The following MACROD1 variants were observed in gnomAD, a reference collection of about 807,000 sequenced individuals.
MACROD1 encodes the protein mono-ADP ribosylhydrolase 1, also known as ADP-ribose glycohydrolase MACROD1.
In MACROD1, 31 loss-of-function variants were observed where a neutral mutation model predicts 41.4. That is an observed-to-expected ratio of 0.75 (90% CI 0.56 to 1.01). MACROD1 has a LOEUF of 1.01. Ranked by LOEUF, MACROD1 falls within the 50% of genes least tolerant of loss-of-function variation. MACROD1 has a pLI of 0.00. For missense variants in MACROD1, 473 were observed against 460.0 expected, an observed-to-expected ratio of 1.03 and a Z score of -0.26; for synonymous variants, 252 against 203.4, an observed-to-expected ratio of 1.24 and a Z score of -2.03.
intron 3 of MACROD1, among the ~76,000 whole-genome samples, chr11:64,081,529 C>T (rs533426778): frequency 3.3e-5 from 5 of 152,108 alleles, no homozygotes; most frequent in African/African-American, 1.2e-4. Flanking sequence ...CAGTGTAACA[C>T]CCCCCCGACC....
At position 64,109,884 on chromosome 11, in the gene MACROD1, C is replaced by G. The variant is rs116147123; in HGVS notation, c.517+41355G>C. ...GCCTGTCCGGAAGGCACAGCAGGAG[C>G]AGGGGAGTAGAGAACGGGCCACTGG... On this transcript the variant is annotated intron_variant, in intron 3 of 10. Transcript: ENST00000255681. 8.1e-4 allele frequency among the ~76,000 whole-genome samples: 124 copies of G among 152,210 alleles called. 1 individual carries two copies. Among genetic ancestry groups the G allele is most frequent in the African/African-American group, 2.8e-3 (118 of 41,536 alleles).
rs1031838906 is a variant in MACROD1, at chr11:64,122,662, G to A, written c.517+28577C>T. 6.6e-6 allele frequency among the ~76,000 whole-genome samples: 1 copy of A among 152,174 alleles called. No homozygotes were observed. On this transcript the variant is annotated intron_variant, in intron 3 of 10. Coordinates refer to ENST00000255681, the MANE Select transcript of MACROD1 (RefSeq NM_014067.4). This position sits in a 1 kb window ranked among gnomAD's most constrained non-coding sequence, Gnocchi z 4.0. The stretch of plus-strand genomic sequence containing the variant: ...GAATACAGCCTCTGTTTCCCCTTCT[G>A]TAAAGTGGGGGTGTGCTAGGGAGGG...
chr11:64,051,353 T>C (rs1590841074), intron 3 of MACROD1, among the ~76,000 whole-genome samples: 1 of 151,984 alleles, frequency 6.6e-6, no homozygotes, highest in South Asian at 2.1e-4. Flanking sequence ...GTGGGGTGGG[T>C]GCGTGTGGTC....
chr11:64,120,294 G>A lies in MACROD1; in HGVS notation c.517+30945C>T, dbSNP rs149839533. 5.3e-5 allele frequency among the ~76,000 whole-genome samples: 8 copies of A among 152,308 alleles called. No individual in the cohort carries two copies. Among genetic ancestry groups the A allele is most frequent in the Non-Finnish European group, 7.3e-5 (5 of 68,028 alleles). Reference sequence around the variant, plus strand: ...CGAGCAGCGTGGTCACGTTTCACTCGAAACTAGACGTGTTTTTCCTTTTCC... The same window carrying A: ...CGAGCAGCGTGGTCACGTTTCACTCAAAACTAGACGTGTTTTTCCTTTTCC... On this transcript the variant is annotated intron_variant, in intron 3 of 10. Transcript: ENST00000255681. The surrounding 1 kb of genome is among the most constrained non-coding windows in gnomAD (Gnocchi z 4.5).
intron 1 of MACROD1, among the ~76,000 whole-genome samples, chr11:64,156,130 A>G (rs1945664221): frequency 1.3e-5 from 2 of 150,716 alleles, no homozygotes; most frequent in Non-Finnish European, 3.0e-5. Flanking sequence ...AAAAAAAAAA[A>G]TCAGCTGAGC....
intron 3 of MACROD1, among the ~76,000 whole-genome samples, chr11:64,119,854 A>G (rs1401735159): frequency 6.6e-6 from 1 of 152,210 alleles, no homozygotes; most frequent in Non-Finnish European, 1.5e-5. Flanking sequence ...ATGATGAAAT[A>G]ATGACAGCGA....
At chr11:63,999,868 C>T (rs1942789447) in intron 5 of MACROD1, 105 bp from the exon 6 acceptor site, 1 of 1,312,992 alleles carries the variant, frequency 7.6e-7, no homozygotes, top group African/African-American at 1.5e-5. Context: ...CACCTTTCCC[C>T]CCAAGCGCTG....
At chr11:64,087,362 C>T (rs1222922510) in intron 3 of MACROD1, among the ~76,000 whole-genome samples, 1 of 152,160 alleles carries the variant, frequency 6.6e-6, no homozygotes, top group Non-Finnish European at 1.5e-5. Flanking sequence ...CCCTGCCACC[C>T]CTGCCACGGC....
intron 3 of MACROD1, among the ~76,000 whole-genome samples, chr11:64,108,476 C>T (rs901043675): frequency 4.6e-5 from 7 of 152,184 alleles, no homozygotes; most frequent in Admixed American, 1.3e-4. Context: ...CAGGAAGCAG[C>T]GGCCTGCCCT....
chr11:64,159,262 C>G (rs1039893708), intron 1 of MACROD1, among the ~76,000 whole-genome samples: 2 of 143,406 alleles, frequency 1.4e-5, no homozygotes, highest in Non-Finnish European at 3.0e-5. Context: ...GAGGTTGCAG[C>G]GAGCCGAGAT....
At chr11:64,021,860 G>A (rs916973117) in intron 3 of MACROD1, among the ~76,000 whole-genome samples, 4 of 148,478 alleles carry the variant, frequency 2.7e-5, no homozygotes, top group Middle Eastern at 3.2e-3. Flanking sequence ...AAGACAGCAC[G>A]AGAATCAACT....
rs181025085 is a variant in MACROD1 at position 64,063,131 on chromosome 11, A to T, written c.518-47850T>A. Among the ~76,000 whole-genome samples the T allele has an allele frequency of 4.6e-5, 7 of 152,258 alleles. No homozygotes were observed. In the East Asian group the frequency reaches 1.4e-3, roughly 29 times the overall value. The stretch of plus-strand genomic sequence containing the variant: ...GAACAACGCGGGCAGCAGAGAGGCC[A>T]CCCTATGGTGATCAAAGGCACAGAT... On this transcript the variant is annotated intron_variant, in intron 3 of 10. Coordinates refer to ENST00000255681, the MANE Select transcript of MACROD1 (RefSeq NM_014067.4).
At chr11:64,015,879 G>T (rs1943074737) in intron 3 of MACROD1, among the ~76,000 whole-genome samples, 1 of 152,190 alleles carries the variant, frequency 6.6e-6, no homozygotes, top group Non-Finnish European at 1.5e-5. Flanking sequence ...CGGGTAAGGG[G>T]CCTGGAGCGC....
At chr11:64,142,454 CAGA>C (rs1468081111) in intron 3 of MACROD1, among the ~76,000 whole-genome samples, 3 of 152,168 alleles carry the variant, frequency 2.0e-5, no homozygotes, top group Non-Finnish European at 2.9e-5. Flanking sequence ...ATGGAAATGA[CAGA>C]AGAACTTCAG....
chr11:64,066,295 A>C (rs998108794), intron 3 of MACROD1, among the ~76,000 whole-genome samples: 4 of 67,948 alleles, frequency 5.9e-5, no homozygotes, highest in African/African-American at 2.1e-4. Context: ...AGACTGTCTC[A>C]AAAAAAAAAA....
chr11:64,062,562 G>A (rs1255965814), intron 3 of MACROD1, among the ~76,000 whole-genome samples: 1 of 152,214 alleles, frequency 6.6e-6, no homozygotes, highest in South Asian at 2.1e-4. Flanking sequence ...GTACAAGCTC[G>A]GTCTCTGTTT....
intron 3 of MACROD1, among the ~76,000 whole-genome samples, chr11:64,063,113 G>A (rs1179887623): frequency 6.6e-6 from 1 of 152,152 alleles, no homozygotes; most frequent in Admixed American, 6.5e-5. Context: ...AGAGAACAAC[G>A]CGGGCAGCAG....
At chr11:64,048,149 C>A (rs1035899569) in intron 3 of MACROD1, among the ~76,000 whole-genome samples, 1 of 152,330 alleles carries the variant, frequency 6.6e-6, no homozygotes, top group African/African-American at 2.4e-5. Flanking sequence ...CCTGCCCCCA[C>A]GACAGCTGCC....
At chr11:64,026,935 C>T (rs1943231652) in intron 3 of MACROD1, among the ~76,000 whole-genome samples, 1 of 152,242 alleles carries the variant, frequency 6.6e-6, no homozygotes, top group African/African-American at 2.4e-5. Context: ...CCTTATCAGC[C>T]TCTTTATTTC....
Sources: gnomAD v4.1 joint callset for allele counts (sites outside exome capture counted in the v4.1 genomes callset) on GRCh38, gnomAD v4.1.1 for gene constraint, Gnocchi (gnomAD v3.1) non-coding constraint, MANE v1.5 for transcripts, NCBI Gene and HGNC (gene_info 2026-07-23, HGNC 2026-07-21) for gene names.